MALRD1: variants seen among roughly 807,000 people sequenced by gnomAD.
MALRD1 encodes the protein MAM and LDL-receptor class A domain-containing protein 1.
MALRD1 carries 247 observed loss-of-function variants against 242.1 expected under a neutral mutation model. That is an observed-to-expected ratio of 1.02 (90% CI 0.92 to 1.13). The LOEUF is 1.13. Ranked by LOEUF, MALRD1 falls within the 50% of genes most tolerant of loss-of-function variation. The probability of loss-of-function intolerance (pLI) is 0.00; values close to 1 mark genes in which losing one functional copy is unlikely to be tolerated. For missense variants in MALRD1, 2,989 were observed against 2,533.1 expected (o/e 1.18, Z -3.86); for synonymous variants, 995 against 866.6 (o/e 1.15, Z -2.60).
intron 21 of MALRD1, among the ~76,000 whole-genome samples, chr10:19,313,292 CAATA>C (rs1435659159): frequency 1.7e-4 from 2 of 11,892 alleles, no homozygotes; most frequent in Non-Finnish European, 4.1e-4. Context: ...AAACAATTTT[CAATA>C]AATATTATTA....
At chr10:19,146,145 T>A in intron 10 of MALRD1, 53 bp from the exon 11 acceptor site, 1 of 1,214,490 alleles carries the variant, frequency 8.2e-7, no homozygotes. Context: ...GAGCAGTGTT[T>A]GCCTGCATGC....
chr10:19,562,976 G>T (rs1196997291), intron 32 of MALRD1, among the ~76,000 whole-genome samples: 1 of 152,126 alleles, frequency 6.6e-6, no homozygotes, highest in African/African-American at 2.4e-5. Context: ...AAAAGACTGG[G>T]GATCACTGCT....
At chr10:19,587,115 C>T (rs985941916) in intron 33 of MALRD1, among the ~76,000 whole-genome samples, 18 of 152,322 alleles carry the variant, frequency 1.2e-4, no homozygotes, top group South Asian at 1.0e-3. Flanking sequence ...CACTGACCTG[C>T]GTCCACTGTC....
At position 19,300,916 on chromosome 10, in the gene MALRD1, A is replaced by T. The variant is rs924015728; in HGVS notation, c.3419+17735A>T. Among the ~76,000 whole-genome samples the T allele has an allele frequency of 2.6e-5, 4 of 152,128 alleles. No individual in the cohort carries two copies. In the South Asian group the frequency reaches 8.3e-4, roughly 31 times the overall value. On this transcript the variant is annotated intron_variant, in intron 21 of 39. Coordinates refer to ENST00000454679, the MANE Select transcript of MALRD1 (RefSeq NM_001142308.3). The stretch of plus-strand genomic sequence containing the variant: ...GCAAAAGAAGCTATCAACAGAGTAA[A>T]CAGAAAATCTATAGAATGGGAGAAA...
At chr10:19,187,359 G>A (rs1835785717) in intron 14 of MALRD1, among the ~76,000 whole-genome samples, 1 of 152,144 alleles carries the variant, frequency 6.6e-6, no homozygotes, top group African/African-American at 2.4e-5. Flanking sequence ...CAATTTCCAA[G>A]AGAGTGGTCA....
intron 26 of MALRD1, among the ~76,000 whole-genome samples, chr10:19,364,623 C>G (rs572116375): frequency 6.6e-6 from 1 of 152,068 alleles, no homozygotes; most frequent in South Asian, 2.1e-4. Flanking sequence ...CAAAAATGGT[C>G]ATATGATAAT....
intron 29 of MALRD1, among the ~76,000 whole-genome samples, chr10:19,477,794 T>C (rs981121107): frequency 2.6e-5 from 4 of 152,204 alleles, no homozygotes; most frequent in Non-Finnish European, 4.4e-5. Flanking sequence ...GTGTGACATT[T>C]GCATAGCACA....
At chr10:19,370,277 A>G (rs957985731) in intron 26 of MALRD1, among the ~76,000 whole-genome samples, 3 of 152,284 alleles carry the variant, frequency 2.0e-5, no homozygotes, top group South Asian at 4.1e-4. Context: ...CTACTGGGAT[A>G]TTGATTATCA....
chr10:19,289,501 G>C (rs568612393), intron 21 of MALRD1, among the ~76,000 whole-genome samples: 25 of 152,310 alleles, frequency 1.6e-4, no homozygotes, highest in African/African-American at 6.0e-4. Context: ...TTAATGGTCA[G>C]ATAATATTTA....
At chr10:19,607,960 A>G in intron 35 of MALRD1, 58 bp downstream of exon 35, 2 of 1,525,126 alleles carry the variant, frequency 1.3e-6, no homozygotes, top group Non-Finnish European at 1.8e-6. Context: ...AACCTGCAAC[A>G]CAATGAAAAT....
At chr10:19,709,766 A>G (rs1197684466) in intron 38 of MALRD1, among the ~76,000 whole-genome samples, 4 of 152,176 alleles carry the variant, frequency 2.6e-5, no homozygotes, top group Non-Finnish European at 5.9e-5. Context: ...AATTAAAAAG[A>G]TGCCTAATTT....
At chr10:19,150,219 T>C (rs1303451554) in intron 11 of MALRD1, among the ~76,000 whole-genome samples, 1 of 152,056 alleles carries the variant, frequency 6.6e-6, no homozygotes, top group Non-Finnish European at 1.5e-5. Context: ...CCTATGTCTG[T>C]TTTTGTTTTT....
intron 38 of MALRD1, among the ~76,000 whole-genome samples, chr10:19,719,546 T>A (rs1222777393): frequency 1.3e-5 from 2 of 151,386 alleles, no homozygotes; most frequent in African/African-American, 4.9e-5. Context: ...CTGAAAAGAG[T>A]GGAAGAAAAA....
chr10:19,419,501 C>G (rs949058676), intron 28 of MALRD1, among the ~76,000 whole-genome samples: 1 of 152,030 alleles, frequency 6.6e-6, no homozygotes, highest in Non-Finnish European at 1.5e-5. Context: ...TGGGGTTGCA[C>G]TGTCTCTACT....
rs140542483 is a variant in MALRD1, at chr10:19,154,380, G to T, written c.1559-695G>T. On this transcript the variant is annotated intron_variant, in intron 11 of 39. Transcript: ENST00000454679. ...ATGAAAATAGTTGGTTTTCCAAATT[G>T]CCTATCACTGTGACTATCAAAGGGC... 2.9e-3 allele frequency among the ~76,000 whole-genome samples: 434 copies of T among 152,212 alleles called. 1 individual carries two copies. The highest frequency in any genetic ancestry group is 0.01 in the African/African-American group (420 of 41,516).
chr10:19,243,027 G>T lies in MALRD1; in HGVS notation c.2992-14657G>T, dbSNP rs367731421. On this transcript the variant is annotated intron_variant, in intron 18 of 39. Coordinates refer to ENST00000454679, the MANE Select transcript of MALRD1 (RefSeq NM_001142308.3). Reference sequence around the variant, plus strand: ...TCTTATTGTTTATCTTTCTAGTTTGGTGGTTTTCTGTGGTGCTAAGCTTTG... The same window carrying T: ...TCTTATTGTTTATCTTTCTAGTTTGTTGGTTTTCTGTGGTGCTAAGCTTTG... Among the ~76,000 whole-genome samples the T allele has an allele frequency of 4.0e-5, 6 of 148,796 alleles. No individual in the cohort carries two copies. In the South Asian group the frequency reaches 8.4e-4, roughly 21 times the overall value.
intron 4 of MALRD1, among the ~76,000 whole-genome samples, chr10:19,097,529 A>G (rs761281092): frequency 3.3e-5 from 5 of 152,226 alleles, no homozygotes; most frequent in Non-Finnish European, 5.9e-5. Flanking sequence ...ATGTTCAAGG[A>G]GACAAAGAAT....
rs975345715 is a variant in MALRD1 at position 19,531,154 on chromosome 10, T to C, written c.5321-40T>C. On this transcript the variant is annotated intron_variant, in intron 31 of 39. Transcript: ENST00000454679. The stretch of plus-strand genomic sequence containing the variant: ...AAACACATTCCGACTCATGCGATAT[T>C]ATCATTACACTGAAAAAAATTTTGT... The C allele has an allele frequency of 1.0e-5, 15 of 1,504,558 alleles. No homozygotes were observed. In the Admixed American group the frequency reaches 1.2e-4, roughly 12 times the overall value. The allele number at this position is 1,504,558 out of a possible 1,614,324, so 93.2% of individuals were successfully genotyped here.
intron 11 of MALRD1, among the ~76,000 whole-genome samples, chr10:19,154,012 A>G (rs1032487501): frequency 6.6e-6 from 1 of 152,186 alleles, no homozygotes; most frequent in African/African-American, 2.4e-5. Context: ...TTTAGGTGGA[A>G]GAATTTTTCA....
Sources: allele counts gnomAD v4.1 joint callset (sites outside exome capture counted in the v4.1 genomes callset), GRCh38; gene constraint gnomAD v4.1.1; transcripts MANE v1.5; gene names NCBI Gene and HGNC (gene_info 2026-07-23, HGNC 2026-07-21).